DHX57: variants seen among roughly 807,000 people sequenced by gnomAD.
DHX57 encodes the protein DExH-box helicase 57, also known as putative ATP-dependent RNA helicase DHX57.
DHX57 carries 105 observed loss-of-function variants against 156.2 expected under a neutral mutation model. That is an observed-to-expected ratio of 0.67 (90% confidence interval 0.57 to 0.79). The LOEUF (loss-of-function observed/expected upper bound fraction) is 0.79. DHX57 is among the 30% of genes least tolerant of loss of function. The pLI is 0.00. For missense variants in DHX57, 1,847 were observed against 1,661.9 expected (o/e 1.11, Z -1.94); for synonymous variants, 704 against 595.6 (o/e 1.18, Z -2.65).
In DHX57 at chr2:38,797,905, A is replaced by AG. The variant is rs1558345177; in HGVS notation, c.*393_*394insC. 2 of 171,262 alleles carry AG rather than the reference A, an allele frequency of 1.2e-5. No homozygotes were observed. The highest frequency in any genetic ancestry group is 2.4e-5 in the African/African-American group (1 of 41,660). 10.6% of individuals were successfully genotyped at this position (171,262 alleles called of 1,614,324 possible). ...CGAGCCTTGGCGACAGGAAAAGAAA[A>AG]AAAAAAAAGGCGTATTTCTCTTCAT... On this transcript the variant is annotated 3_prime_UTR_variant, in exon 24 of 24. Transcript: ENST00000457308.
chr2:38,871,339 A>G (rs1219053215), intron 1 of DHX57, among the ~76,000 whole-genome samples: 1 of 152,178 alleles, frequency 6.6e-6, no homozygotes, highest in Non-Finnish European at 1.5e-5. Context: ...GTGGGAGCGT[A>G]ATTGTGCTGT....
intron 9 of DHX57, among the ~76,000 whole-genome samples, chr2:38,849,835 C>A (rs1468187348): frequency 6.6e-6 from 1 of 152,218 alleles, no homozygotes; most frequent in Admixed American, 6.5e-5. Context: ...CAAGTCCTTA[C>A]TCCAAAGATA....
At chr2:38,833,514 T>C (rs967067512) in intron 13 of DHX57, among the ~76,000 whole-genome samples, 1 of 152,038 alleles carries the variant, frequency 6.6e-6, no homozygotes, top group East Asian at 1.9e-4. Context: ...TAGAGGTAAA[T>C]TGAGGAGAAA....
Position 38,855,042 on chromosome 2 carries a change from G to T in DHX57, c.1905+15C>A. 1.2e-6 allele frequency: 2 copies of T among 1,614,024 alleles called. No individual in the cohort carries two copies. Among genetic ancestry groups the T allele is most frequent in the South Asian group, 2.2e-5 (2 of 91,078 alleles). ...ATAAATTTCTGTTACCAGGAAATAA[G>T]CAGAGCATACAAACCTTGACACTTT... On this transcript the variant is annotated intron_variant, in intron 8 of 23. Coordinates refer to ENST00000457308, the MANE Select transcript of DHX57 (RefSeq NM_198963.3).
chr2:38,838,052 T>A (rs1174927350), intron 12 of DHX57, 105 bp from the exon 13 acceptor site: 1 of 744,630 alleles, frequency 1.3e-6, no homozygotes, highest in African/African-American at 1.8e-5. Flanking sequence ...AGGTGAGTGT[T>A]GGTTTAATAG....
intron 9 of DHX57, among the ~76,000 whole-genome samples, chr2:38,852,570 G>A (rs1292678896): frequency 6.7e-6 from 1 of 149,668 alleles, no homozygotes. Context: ...CCATCTTCCT[G>A]GCCCTCCTCA....
intron 22 of DHX57, among the ~76,000 whole-genome samples, chr2:38,805,928 G>A (rs1384633631): frequency 4.6e-5 from 7 of 152,106 alleles, no homozygotes; most frequent in Non-Finnish European, 1.0e-4. Flanking sequence ...ATGATGGTGA[G>A]AGAATAAGGA....
chr2:38,848,487 ATGTGTAAGATCTC>A, intron 9 of DHX57, 85 bp from the exon 10 acceptor site: 1 of 1,370,250 alleles, frequency 7.3e-7, no homozygotes, highest in South Asian at 1.6e-5. Flanking sequence ...TGAGCAAGAA[ATGTGTAAGATCTC>A]TGTGAAAAAA....
chr2:38,833,344 T>C (rs748677824), intron 13 of DHX57, among the ~76,000 whole-genome samples: 24 of 152,014 alleles, frequency 1.6e-4, no homozygotes, highest in Admixed American at 6.6e-5. Context: ...TGTTTCTCCA[T>C]GTTGGCCAGG....
At chr2:38,809,498 G>A (rs986660228) in intron 21 of DHX57, among the ~76,000 whole-genome samples, 43 of 140,108 alleles carry the variant, frequency 3.1e-4, no homozygotes, top group African/African-American at 1.1e-3. Flanking sequence ...GTCTTGCTCT[G>A]TCACCCAGGC....
chr2:38,827,519 T>A (rs1204429861), intron 14 of DHX57, among the ~76,000 whole-genome samples: 6 of 15,078 alleles, frequency 4.0e-4, no homozygotes, highest in East Asian at 0.016. Flanking sequence ...TATATATATA[T>A]ATATATATAT....
At chr2:38,859,443 G>A (rs572572314) in intron 5 of DHX57, among the ~76,000 whole-genome samples, 16 of 152,206 alleles carry the variant, frequency 1.1e-4, no homozygotes, top group African/African-American at 1.9e-4. Context: ...TGATGATAAC[G>A]TCCAGGGATT....
intron 19 of DHX57, among the ~76,000 whole-genome samples, chr2:38,818,109 G>C (rs1375365253): frequency 6.6e-6 from 1 of 152,166 alleles, no homozygotes; most frequent in Admixed American, 6.5e-5. Flanking sequence ...AAGGGGATTA[G>C]AGATGGCCAT....
At chr2:38,819,295 C>T in intron 17 of DHX57, 151 bp from the exon 18 acceptor site, 1 of 713,376 alleles carries the variant, frequency 1.4e-6, no homozygotes, top group Non-Finnish European at 2.3e-6. Flanking sequence ...CTGCCTCAGC[C>T]TCCCTGGTAG....
chr2:38,861,008 T>G lies in DHX57; in HGVS notation c.1402A>C (p.Ile468Leu). The part of the protein sequence containing the change: ...IPNNSFVSNQ[I>L]PEVEKASESE... ...TCAATGCCTTACATACCTTCTGGAA[T>G]TTGATTAGAAACAAAAGAATTATTT... is the stretch of plus-strand genomic sequence containing the variant. Residue 468 changes from isoleucine to leucine, a missense_variant, in exon 5 of 24, where the codon ATT becomes CTT. Coordinates refer to ENST00000457308, the MANE Select transcript of DHX57 (RefSeq NM_198963.3). 6.2e-7 allele frequency: 1 copy of G among 1,612,958 alleles called. No homozygotes were observed. The highest frequency in any genetic ancestry group is 8.5e-7 in the Non-Finnish European group (1 of 1,179,238).
intron 1 of DHX57, among the ~76,000 whole-genome samples, chr2:38,873,246 C>T (rs190137932): frequency 6.6e-6 from 1 of 152,280 alleles, no homozygotes; most frequent in East Asian, 1.9e-4. Context: ...CCACCTTGGC[C>T]TCCCAAAGTG....
intron 13 of DHX57, among the ~76,000 whole-genome samples, chr2:38,835,324 C>T (rs574409572): frequency 6.6e-6 from 1 of 152,294 alleles, no homozygotes; most frequent in East Asian, 1.9e-4. Context: ...GGTTCATGAT[C>T]AGCACTGCCC....
intron 13 of DHX57, among the ~76,000 whole-genome samples, chr2:38,832,552 T>TA (rs921016830): frequency 8.6e-4 from 20 of 23,136 alleles, no homozygotes; most frequent in African/African-American, 1.7e-3. Flanking sequence ...TATATATATA[T>TA]TTTTTTTTTT....
intron 7 of DHX57, 109 bp downstream of exon 7, chr2:38,856,231 A>T: frequency 4.1e-6 from 6 of 1,456,114 alleles, no homozygotes; most frequent in Non-Finnish European, 5.5e-6. Flanking sequence ...GATGTATATA[A>T]TATCTATAAA....
Sources: gnomAD v4.1 joint callset for allele counts (sites outside exome capture counted in the v4.1 genomes callset) on GRCh38, gnomAD v4.1.1 for gene constraint, MANE v1.5 for transcripts, NCBI Gene and HGNC (gene_info 2026-07-23, HGNC 2026-07-21) for gene names.